PLAG1: variants seen among roughly 807,000 people sequenced by gnomAD.
PLAG1 encodes the protein PLAG1 zinc finger.
Under a neutral mutation model 35.5 loss-of-function variants are expected in PLAG1, and 7 were observed. The ratio of observed to expected loss-of-function variants is 0.20; its 90% CI spans 0.11 to 0.37. The LOEUF is 0.37. Ranked by LOEUF, PLAG1 falls within the 10% of genes least tolerant of loss-of-function variation. PLAG1 has a pLI of 1.00. For synonymous variants in PLAG1, 229 were observed against 225.4 expected, an observed-to-expected ratio of 1.02 and a Z score of -0.14; for missense variants, 454 against 602.8, an observed-to-expected ratio of 0.75 and a Z score of 2.58.
Position 56,167,543 on chromosome 8 carries a change from A to C in PLAG1, c.243-40T>G, listed in dbSNP as rs1357098978. 2.3e-6 allele frequency: 3 copies of C among 1,320,072 alleles called. No homozygotes were observed. The highest frequency in any genetic ancestry group is 3.2e-6 in the Non-Finnish European group (3 of 948,490). The allele number at this position is 1,320,072 out of a possible 1,614,324, so 81.8% of individuals were successfully genotyped here. On this transcript the variant is annotated intron_variant, in intron 4 of 4. Coordinates refer to ENST00000316981, the MANE Select transcript of PLAG1 (RefSeq NM_002655.3). The surrounding 1 kb of genome is among the most constrained non-coding windows in gnomAD (Gnocchi z 5.9). ...ATAATCTATAAGTAGTTATTATGAC[A>C]AAAATGGCATGTATTCACTTTTCAA...
chr8:56,192,812 T>A (rs1812227071), intron 1 of PLAG1, among the ~76,000 whole-genome samples: 1 of 152,164 alleles, frequency 6.6e-6, no homozygotes, highest in South Asian at 2.1e-4. Context: ...AACCTGAACC[T>A]TACAGAGCGT....
chr8:56,199,428 A>AAAG (rs1812482384), intron 1 of PLAG1, among the ~76,000 whole-genome samples: 3 of 152,222 alleles, frequency 2.0e-5, no homozygotes, highest in African/African-American at 7.2e-5. Flanking sequence ...AGATGAAAGA[A>AAAG]ACAGCACATG....
Position 56,163,059 on chromosome 8 carries a change from A to G in PLAG1, c.*3184T>C, listed in dbSNP as rs1016768028. 4 of 211,102 alleles carry G rather than the reference A, an allele frequency of 1.9e-5. No homozygotes were observed. The highest frequency in any genetic ancestry group is 2.9e-5 in the Non-Finnish European group (3 of 103,542). The allele number at this position is 211,102 out of a possible 1,614,324, so 13.1% of individuals were successfully genotyped here. On this transcript the variant is annotated 3_prime_UTR_variant, in exon 5 of 5. Transcript: ENST00000316981. ...TAAAGGTACTTGTATACATCAATGG[A>G]TAGCATTGCTTACAGTGCCAAGATC...
intron 1 of PLAG1, among the ~76,000 whole-genome samples, chr8:56,194,017 C>T (rs1289604734): frequency 2.6e-5 from 4 of 151,952 alleles, no homozygotes; most frequent in Admixed American, 2.6e-4. Context: ...CACGCCCGGC[C>T]TTCATTAGGT....
intron 1 of PLAG1, among the ~76,000 whole-genome samples, chr8:56,182,928 T>A (rs1811914670): frequency 6.6e-6 from 1 of 152,154 alleles, no homozygotes; most frequent in Admixed American, 6.5e-5. Context: ...GAGGGAGGTA[T>A]GTTCATCCTG....
At position 56,162,973 on chromosome 8, in the gene PLAG1, T is replaced by TA. The variant is rs888048248; in HGVS notation, c.*3269dup. 1 of 212,018 alleles carries TA rather than the reference T, an allele frequency of 4.7e-6. No homozygotes were observed. The highest frequency in any genetic ancestry group is 2.3e-5 in the African/African-American group (1 of 44,132). The allele number at this position is 212,018 out of a possible 1,614,324, so 13.1% of individuals were successfully genotyped here. ...TAATCAGCCAGGACAATTGAAGTTTTAAAAAACTGAACTTGGTAATAGGAT... is the reference window on the plus strand; with the variant it reads ...TAATCAGCCAGGACAATTGAAGTTTTAAAAAAACTGAACTTGGTAATAGGAT... On this transcript the variant is annotated 3_prime_UTR_variant, in exon 5 of 5. Coordinates refer to ENST00000316981, the MANE Select transcript of PLAG1 (RefSeq NM_002655.3).
rs760638259 is a variant in PLAG1 at position 56,162,522 on chromosome 8, T to A, written c.*3721A>T. ...TATATATCAAAGGCCTACATATATA[T>A]CATCTAATGGCACTTGAATTATAAT... On this transcript the variant is annotated 3_prime_UTR_variant, in exon 5 of 5. Transcript: ENST00000316981. The A allele has an allele frequency of 9.4e-5, 20 of 213,234 alleles. No homozygotes were observed. Among genetic ancestry groups the A allele is most frequent in the Non-Finnish European group, 1.5e-4 (16 of 105,220 alleles). The allele number at this position is 213,234 out of a possible 1,614,324, so 13.2% of individuals were successfully genotyped here. A position where few individuals can be genotyped will look rare whatever the true frequency, so the allele number is the denominator to read the frequency against.
At position 56,165,491 on chromosome 8, in the gene PLAG1, C is replaced by A; in HGVS notation, c.*752G>T. 1 of 211,434 alleles carries A rather than the reference C, an allele frequency of 4.7e-6. No homozygotes were observed. Among genetic ancestry groups the A allele is most frequent in the Non-Finnish European group, 9.6e-6 (1 of 104,154 alleles). 13.1% of individuals were successfully genotyped at this position (211,434 alleles called of 1,614,324 possible). On this transcript the variant is annotated 3_prime_UTR_variant, in exon 5 of 5. Transcript: ENST00000316981. Reference sequence around the variant, plus strand: ...TTACTATTATTAAATGAAAAGATAGCATGTTAAGAAGGATGAAACACGACA... The same window carrying A: ...TTACTATTATTAAATGAAAAGATAGAATGTTAAGAAGGATGAAACACGACA...
chr8:56,188,802 A>G (rs1035470463), intron 1 of PLAG1, among the ~76,000 whole-genome samples: 4 of 152,232 alleles, frequency 2.6e-5, no homozygotes, highest in Non-Finnish European at 5.9e-5. Flanking sequence ...GAAGGCCACC[A>G]ATAATCATGG....
chr8:56,183,193 C>A (rs775693876), intron 1 of PLAG1, among the ~76,000 whole-genome samples: 2 of 152,080 alleles, frequency 1.3e-5, no homozygotes, highest in Non-Finnish European at 2.9e-5. Context: ...ATTGTTGAAA[C>A]CTTTCTGGAA....
rs1210887109 is a variant in PLAG1 at position 56,167,071 on chromosome 8, C to T, written c.675G>A (p.Lys225=). 2 of 1,614,100 alleles carry T rather than the reference C, an allele frequency of 1.2e-6. No homozygotes were observed. The highest frequency in any genetic ancestry group is 2.2e-5 in the East Asian group (1 of 44,890). Reference sequence around the variant, plus strand: ...TCTTCATATGTCGAGTCAGGTGATCCTTTCGCCCAAATCTCTGTGCACAAT... The same window carrying T: ...TCTTCATATGTCGAGTCAGGTGATCTTTTCGCCCAAATCTCTGTGCACAAT... The part of the protein sequence containing the change: ...CQYCAQRFGR[K]DHLTRHMKKS... Residue 225 remains lysine (K), a synonymous_variant, in exon 5 of 5, where the codon AAG becomes AAA. Coordinates refer to ENST00000316981, the MANE Select transcript of PLAG1 (RefSeq NM_002655.3). The surrounding 1 kb of genome is among the most constrained non-coding windows in gnomAD (Gnocchi z 5.9).
chr8:56,205,711 G>T (rs1196004416), intron 1 of PLAG1, among the ~76,000 whole-genome samples: 3 of 151,614 alleles, frequency 2.0e-5, no homozygotes, highest in African/African-American at 7.3e-5. Flanking sequence ...TTTTTAAAAG[G>T]CACCAAAAAA....
chr8:56,195,168 GAACA>G (rs1324334588), intron 1 of PLAG1, among the ~76,000 whole-genome samples: 2 of 152,092 alleles, frequency 1.3e-5, no homozygotes, highest in African/African-American at 4.8e-5. Context: ...AGCTTGTTTA[GAACA>G]ACCAACCAAA....
intron 1 of PLAG1, among the ~76,000 whole-genome samples, chr8:56,196,681 C>T (rs142280241): frequency 1.4e-3 from 208 of 152,220 alleles, no homozygotes; most frequent in South Asian, 5.8e-3. Flanking sequence ...CTCTTGACCC[C>T]GCGTGTCTCC....
At chr8:56,201,928 T>C (rs1192821839) in intron 1 of PLAG1, among the ~76,000 whole-genome samples, 1 of 151,816 alleles carries the variant, frequency 6.6e-6, no homozygotes, top group African/African-American at 2.4e-5. Flanking sequence ...AGTTTCTTTT[T>C]CTTTTAAACA....
Position 56,167,171 on chromosome 8 carries a change from C to A in PLAG1, c.575G>T (p.Arg192Leu), listed in dbSNP as rs367971972. ...GACATCCTTTCGGGTGTAGAACCGG[C>A]GATCACAATGTTCGCACTGGTGCTT... is the stretch of plus-strand genomic sequence containing the variant. ...EKKHQCEHCD[R>L]RFYTRKDVRR... Residue 192 changes from arginine to leucine, a missense_variant, in exon 5 of 5, where the codon CGC becomes CTC. Physicochemically the swap from Arg to Leu is moderately radical, Grantham distance 102 (BLOSUM62 -2). Around this residue, in one of 4 missense-constraint regions of PLAG1, gnomAD observed 170 missense variants for 226.3 expected, o/e 0.75. Transcript: ENST00000316981. The surrounding 1 kb of genome is among the most constrained non-coding windows in gnomAD (Gnocchi z 5.9). 4 of 1,613,634 alleles carry A rather than the reference C, an allele frequency of 2.5e-6. No individual in the cohort carries two copies. Among genetic ancestry groups the A allele is most frequent in the Non-Finnish European group, 8.5e-7 (1 of 1,179,876 alleles).
intron 1 of PLAG1, among the ~76,000 whole-genome samples, chr8:56,183,761 G>C (rs531859210): frequency 1.7e-4 from 26 of 152,062 alleles, no homozygotes; most frequent in Middle Eastern, 6.8e-3. Flanking sequence ...AATGCTGCTG[G>C]AAAAGTTTGA....
chr8:56,203,528 G>A (rs902406888), intron 1 of PLAG1, among the ~76,000 whole-genome samples: 3 of 152,058 alleles, frequency 2.0e-5, no homozygotes, highest in Non-Finnish European at 4.4e-5. Context: ...TTAACATACA[G>A]CATAGTTAAA....
chr8:56,195,448 G>A (rs1812330947), intron 1 of PLAG1, among the ~76,000 whole-genome samples: 1 of 152,116 alleles, frequency 6.6e-6, no homozygotes, highest in African/African-American at 2.4e-5. Flanking sequence ...CAGTTCACGG[G>A]GTCTGTTACA....
Sources: allele counts gnomAD v4.1 joint callset (sites outside exome capture counted in the v4.1 genomes callset), GRCh38; gene constraint gnomAD v4.1.1; regional missense constraint gnomAD v4.1.1; non-coding constraint Gnocchi (gnomAD v3.1); transcripts MANE v1.5; gene names NCBI Gene and HGNC (gene_info 2026-07-23, HGNC 2026-07-21).